MMD2: variants seen among roughly 807,000 people sequenced by gnomAD.
MMD2 encodes the protein monocyte to macrophage differentiation associated 2.
MMD2 carries 30 observed loss-of-function variants against 33.5 expected under a neutral mutation model. The ratio of observed to expected loss-of-function variants is 0.90; its 90% CI spans 0.67 to 1.22. The LOEUF (loss-of-function observed/expected upper bound fraction) is 1.22. MMD2 is among the 50% of genes most tolerant of loss of function. The pLI is 0.00. For synonymous variants in MMD2, 129 were observed against 123.0 expected (o/e 1.05, Z -0.32); for missense variants, 364 against 325.4 (o/e 1.12, Z -0.91).
At chr7:4,893,735 G>A in the MMD2 span, among the ~76,000 whole-genome samples, 1 of 152,046 alleles carries the variant, frequency 6.6e-6, no homozygotes, top group African/African-American at 2.4e-5. Flanking sequence ...GATTATTCAT[G>A]AGTTTTCCAG....
chr7:4,938,622 A>C (rs1465263260), intron 1 of MMD2, among the ~76,000 whole-genome samples: 1 of 152,160 alleles, frequency 6.6e-6, no homozygotes, highest in Admixed American at 6.6e-5. Context: ...GTTTTCGAAG[A>C]GACAAACATT....
At chr7:4,913,523 G>A (rs1468057237) in intron 4 of MMD2, among the ~76,000 whole-genome samples, 1 of 151,950 alleles carries the variant, frequency 6.6e-6, no homozygotes, top group African/African-American at 2.4e-5. Flanking sequence ...TTCAAGACCA[G>A]CCTGGCCCAA....
chr7:4,941,281 A>G (rs1298261208), intron 1 of MMD2, among the ~76,000 whole-genome samples: 1 of 152,200 alleles, frequency 6.6e-6, no homozygotes, highest in East Asian at 1.9e-4. Context: ...CCAGGTTGGC[A>G]GGTCAGAGGC....
At chr7:4,912,555 C>T (rs1215414978) in intron 4 of MMD2, among the ~76,000 whole-genome samples, 1 of 146,768 alleles carries the variant, frequency 6.8e-6, no homozygotes, top group Admixed American at 6.8e-5. Flanking sequence ...GAGCAAGACT[C>T]TGTCTCAAAA....
chr7:4,928,959 C>G (rs565552139), intron 1 of MMD2, among the ~76,000 whole-genome samples: 14 of 152,330 alleles, frequency 9.2e-5, no homozygotes, highest in African/African-American at 3.1e-4. Context: ...TGAGCACCTT[C>G]TGTGTGCTAG....
intron 3 of MMD2, among the ~76,000 whole-genome samples, chr7:4,918,729 C>A (rs1363499041): frequency 2.6e-5 from 4 of 151,902 alleles, no homozygotes; most frequent in Admixed American, 2.0e-4. Context: ...CTCAAGTGAT[C>A]CTCCTACCTC....
rs529315780 is a variant in MMD2 at position 4,925,079 on chromosome 7, C to T, written c.129+372G>A. Among the ~76,000 whole-genome samples the T allele has an allele frequency of 2.6e-5, 4 of 151,978 alleles. No individual in the cohort carries two copies. The South Asian group carries it at 6.2e-4, about 24-fold the overall frequency. ...CAGAGTAGCTGGGGTTACAGGTGCC[C>T]GCCACCATGCCCAGCTAATTTTTGT... On this transcript the variant is annotated intron_variant, in intron 2 of 6. Coordinates refer to ENST00000401401, the MANE Select transcript of MMD2 (RefSeq NM_198403.4).
intron 1 of MMD2, among the ~76,000 whole-genome samples, chr7:4,944,613 C>T (rs1039025395): frequency 1.3e-5 from 2 of 152,160 alleles, no homozygotes; most frequent in East Asian, 3.8e-4. Context: ...GGCCAGTGGC[C>T]ATGGGTCCAG....
intron 1 of MMD2, among the ~76,000 whole-genome samples, chr7:4,957,045 A>G (rs1786401012): frequency 6.6e-6 from 1 of 152,006 alleles, no homozygotes; most frequent in South Asian, 2.1e-4. Flanking sequence ...AGGCGCCTGT[A>G]GTCCCAGTTA....
rs1202569377 is a variant in MMD2 at position 4,958,976 on chromosome 7, G to T, written c.42C>A (p.Tyr14Ter). 7 of 1,286,718 alleles carry T rather than the reference G, an allele frequency of 5.4e-6. No individual in the cohort carries two copies. The Admixed American group carries it at 1.2e-4, about 23-fold the overall frequency. The allele number at this position is 1,286,718 out of a possible 1,614,324, so 79.7% of individuals were successfully genotyped here. Residue 14 changes from tyrosine (Y) to a stop codon, truncating the protein, a stop_gained, in exon 1 of 7, where the codon TAC becomes TAA. Transcript: ENST00000401401. LOFTEE classifies it high-confidence loss of function. ...CCTCCGCGGCCGCCGCTCACCTCGCGTATTTCGTCTTCTGGAAATCCAGCA... is the reference window on the plus strand; with the variant it reads ...CCTCCGCGGCCGCCGCTCACCTCGCTTATTTCGTCTTCTGGAAATCCAGCA... Reference protein sequence around the residue: ...PRLLDFQKTKYARFMNHRVPA... With the variant: ...PRLLDFQKTK
chr7:4,944,483 G>A (rs990970441), intron 1 of MMD2, among the ~76,000 whole-genome samples: 3 of 152,122 alleles, frequency 2.0e-5, no homozygotes, highest in Non-Finnish European at 2.9e-5. Flanking sequence ...AGCAGGCTCC[G>A]GAGTGGCCGA....
At chr7:4,947,599 T>C (rs1049721110) in intron 1 of MMD2, among the ~76,000 whole-genome samples, 2 of 151,496 alleles carry the variant, frequency 1.3e-5, no homozygotes, top group African/African-American at 4.8e-5. Flanking sequence ...TTCACCATGT[T>C]AGCCAGGATG....
intron 2 of MMD2, among the ~76,000 whole-genome samples, chr7:4,924,053 T>G (rs189972651): frequency 0.017 from 2,587 of 152,034 alleles, 78 homozygotes; most frequent in African/African-American, 0.059. Context: ...TTAGCCGGGC[T>G]TGGTGGCGGG....
At chr7:4,900,875 C>G in the MMD2 span, among the ~76,000 whole-genome samples, 1 of 152,276 alleles carries the variant, frequency 6.6e-6, no homozygotes, top group African/African-American at 2.4e-5. Context: ...CGCAGTGGCT[C>G]ACACCTGTAA....
chr7:4,906,340 G>T lies in MMD2; in HGVS notation c.*1056C>A, dbSNP rs957355700. On this transcript the variant is annotated 3_prime_UTR_variant, in exon 7 of 7. Coordinates refer to ENST00000401401, the MANE Select transcript of MMD2 (RefSeq NM_198403.4). The stretch of plus-strand genomic sequence containing the variant: ...TACTGAGCACTTCAGAGGTTGGGAG[G>T]ACCTGGAACAGTCGCCCCAGATCCA... 2.3e-5 allele frequency: 9 copies of T among 395,582 alleles called. No homozygotes were observed. The highest frequency in any genetic ancestry group is 1.2e-4 in the African/African-American group (6 of 48,566). The allele number at this position is 395,582 out of a possible 1,614,324, so 24.5% of individuals were successfully genotyped here.
chr7:4,909,864 G>C lies in MMD2; in HGVS notation c.537+17C>G. 1.2e-6 allele frequency: 2 copies of C among 1,605,392 alleles called. No homozygotes were observed. Among genetic ancestry groups the C allele is most frequent in the Non-Finnish European group, 1.7e-6 (2 of 1,176,102 alleles). The stretch of plus-strand genomic sequence containing the variant: ...TCTCTTGCAGGGACTCATCTATGCA[G>C]GGCTGGCAGCACTTACCATGGAGAG... On this transcript the variant is annotated intron_variant, in intron 6 of 6. Coordinates refer to ENST00000401401, the MANE Select transcript of MMD2 (RefSeq NM_198403.4).
intron 1 of MMD2, among the ~76,000 whole-genome samples, chr7:4,953,989 G>C (rs1786320892): frequency 6.6e-6 from 1 of 151,710 alleles, no homozygotes; most frequent in Admixed American, 6.6e-5. Context: ...CTCCTGAGTA[G>C]CTGGGACCGC....
intron 1 of MMD2, among the ~76,000 whole-genome samples, chr7:4,945,182 C>CTT (rs1193706192): frequency 8.1e-6 from 1 of 123,382 alleles, no homozygotes; most frequent in East Asian, 2.5e-4. Flanking sequence ...CCTCCTCTTC[C>CTT]TCTTTCTTCT....
Position 4,911,259 on chromosome 7 carries a change from G to A in MMD2, c.366-13C>T. 1.3e-6 allele frequency: 2 copies of A among 1,569,362 alleles called. No individual in the cohort carries two copies. The highest frequency in any genetic ancestry group is 1.2e-5 in the South Asian group (1 of 85,394). On this transcript the variant is annotated splice_polypyrimidine_tract_variant and intron_variant, in intron 4 of 6. Coordinates refer to ENST00000401401, the MANE Select transcript of MMD2 (RefSeq NM_198403.4). ...CCGAAGGTTCAGCCTGGGAGAGAAA[G>A]AGCCAAGGCCATGGCCCTGAGGGGG...
Sources: allele counts gnomAD v4.1 joint callset (sites outside exome capture counted in the v4.1 genomes callset), GRCh38; gene constraint gnomAD v4.1.1; transcripts MANE v1.5; gene names NCBI Gene and HGNC (gene_info 2026-07-23, HGNC 2026-07-21).